The following TENM3 variants were observed in gnomAD, a reference collection of about 807,000 sequenced individuals.
The protein encoded by TENM3 is teneurin-3.
Under a neutral mutation model 255.1 loss-of-function variants are expected in TENM3, and 63 were observed. The ratio of observed to expected loss-of-function variants is 0.25; its 90% CI spans 0.20 to 0.30. The LOEUF (loss-of-function observed/expected upper bound fraction) is 0.30, where lower values mean the gene tolerates loss of function less well. Ranked by LOEUF, TENM3 falls within the 10% of genes least tolerant of loss-of-function variation. The pLI, the probability that TENM3 is intolerant of heterozygous loss-of-function variation, is 1.00. For missense variants in TENM3, 2,929 were observed against 3,461.1 expected, an observed-to-expected ratio of 0.85 and a Z score of 3.86; for synonymous variants, 1,306 against 1,322.3, an observed-to-expected ratio of 0.99 and a Z score of 0.27.
At chr4:182,385,410 AC>A (rs964524789) in intron 3 of TENM3, among the ~76,000 whole-genome samples, 1 of 151,760 alleles carries the variant, frequency 6.6e-6, no homozygotes, top group Non-Finnish European at 1.5e-5. Flanking sequence ...GATTATAGGC[AC>A]CCACAACCAA....
At chr4:182,116,615 C>T in the TENM3 span, among the ~76,000 whole-genome samples, 1 of 152,156 alleles carries the variant, frequency 6.6e-6, no homozygotes, top group South Asian at 2.1e-4. Flanking sequence ...GGCCTCCCCA[C>T]CCATGCGGAA....
At chr4:181,489,121 T>G in the TENM3 span, among the ~76,000 whole-genome samples, 1 of 152,230 alleles carries the variant, frequency 6.6e-6, no homozygotes, top group Admixed American at 6.5e-5. Flanking sequence ...GCAATGGCAC[T>G]GCAATTCTGT....
chr4:182,668,558 C>A (rs142434264), intron 6 of TENM3, among the ~76,000 whole-genome samples: 20 of 152,242 alleles, frequency 1.3e-4, no homozygotes, highest in Middle Eastern at 3.4e-3. Context: ...CAAGCACACT[C>A]CACCAATCTT....
the TENM3 span, among the ~76,000 whole-genome samples, chr4:181,569,041 T>C: frequency 6.6e-6 from 1 of 152,184 alleles, no homozygotes; most frequent in Non-Finnish European, 1.5e-5. Flanking sequence ...AGAAAAGTAA[T>C]AAAAGGTTTT....
At chr4:182,694,223 C>T (rs115242284) in intron 12 of TENM3, among the ~76,000 whole-genome samples, 2,377 of 152,172 alleles carry the variant, frequency 0.016, 38 homozygotes, top group Non-Finnish European at 0.026. Flanking sequence ...GATCCTCCCA[C>T]GTCAGCCTCC....
intron 1 of TENM3, among the ~76,000 whole-genome samples, chr4:182,177,903 G>A (rs1048200866): frequency 2.0e-5 from 3 of 150,102 alleles, no homozygotes; most frequent in Non-Finnish European, 3.0e-5. Context: ...TAATCTATGG[G>A]CAAAAGACGA....
chr4:182,524,071 T>C (rs1489642287), intron 3 of TENM3, among the ~76,000 whole-genome samples: 2 of 152,212 alleles, frequency 1.3e-5, no homozygotes, highest in Admixed American at 6.5e-5. Flanking sequence ...TTACCTCTGT[T>C]ATTCGTCACT....
the TENM3 span, among the ~76,000 whole-genome samples, chr4:182,104,256 T>C: frequency 6.6e-6 from 1 of 152,152 alleles, no homozygotes; most frequent in Non-Finnish European, 1.5e-5. Flanking sequence ...TGATCCAGTG[T>C]GTCCCCGTGG....
At chr4:182,113,153 G>A in the TENM3 span, among the ~76,000 whole-genome samples, 1 of 152,276 alleles carries the variant, frequency 6.6e-6, no homozygotes, top group Admixed American at 6.5e-5. Context: ...TTTAACAAAG[G>A]ACAAACAACT....
chr4:181,493,743 T>G, the TENM3 span, among the ~76,000 whole-genome samples: 1 of 152,028 alleles, frequency 6.6e-6, no homozygotes, highest in Non-Finnish European at 1.5e-5. Flanking sequence ...AAACTCCATC[T>G]CAAAAAGTAA....
chr4:182,603,021 C>T (rs1176287477), intron 4 of TENM3, among the ~76,000 whole-genome samples: 4 of 152,082 alleles, frequency 2.6e-5, no homozygotes, highest in African/African-American at 4.8e-5. Flanking sequence ...GTTAGCATTC[C>T]GTGAAACCAT....
intron 11 of TENM3, among the ~76,000 whole-genome samples, chr4:182,687,031 G>A (rs1756632737): frequency 6.6e-6 from 1 of 152,254 alleles, no homozygotes; most frequent in South Asian, 2.1e-4. Context: ...TTGATAAGGT[G>A]TTTAGCCTGT....
the TENM3 span, among the ~76,000 whole-genome samples, chr4:181,780,679 G>C: frequency 6.6e-6 from 1 of 152,162 alleles, no homozygotes; most frequent in Admixed American, 6.5e-5. Context: ...TGTTGCTGTT[G>C]CTTTTGCTGT....
At chr4:181,716,725 C>T in the TENM3 span, among the ~76,000 whole-genome samples, 1 of 152,034 alleles carries the variant, frequency 6.6e-6, no homozygotes, top group Non-Finnish European at 1.5e-5. Flanking sequence ...CAAAGTAAGT[C>T]CTCATTAGAG....
chr4:182,095,540 G>A, the TENM3 span, among the ~76,000 whole-genome samples: 228 of 152,282 alleles, frequency 1.5e-3, 10 homozygotes, highest in East Asian at 0.042. Context: ...CAGAGGCTGG[G>A]AAGGGTAGTG....
the TENM3 span, among the ~76,000 whole-genome samples, chr4:181,899,981 T>C: frequency 6.6e-6 from 1 of 152,206 alleles, no homozygotes; most frequent in Middle Eastern, 3.2e-3. Flanking sequence ...TTTTAACCTT[T>C]CATTTTATAT....
chr4:181,893,491 A>C, the TENM3 span, among the ~76,000 whole-genome samples: 5,142 of 24,324 alleles, frequency 0.21, 40 homozygotes, highest in Middle Eastern at 0.26. Context: ...TCCCCTGCCC[A>C]CCCCCCCCCC....
chr4:181,999,388 G>C, the TENM3 span, among the ~76,000 whole-genome samples: 1 of 152,142 alleles, frequency 6.6e-6, no homozygotes, highest in Non-Finnish European at 1.5e-5. Context: ...CTAAGGTATT[G>C]CCTGTCCCGA....
the TENM3 span, among the ~76,000 whole-genome samples, chr4:181,736,647 C>A: frequency 6.6e-6 from 1 of 151,748 alleles, no homozygotes; most frequent in African/African-American, 2.4e-5. Context: ...AGCGTATACA[C>A]CCAAATACCA....
Sources: gnomAD v4.1 joint callset for allele counts (sites outside exome capture counted in the v4.1 genomes callset) on GRCh38, gnomAD v4.1.1 for gene constraint, MANE v1.5 for transcripts, NCBI Gene and HGNC (gene_info 2026-07-23, HGNC 2026-07-21) for gene names.